ARHGEF10: variants seen among roughly 807,000 people sequenced by gnomAD.
The protein encoded by ARHGEF10 is Rho guanine nucleotide exchange factor (GEF) 10.
Under a neutral mutation model 147.4 loss-of-function variants are expected in ARHGEF10, and 140 were observed. The observed-to-expected ratio is 0.95, with a 90% confidence interval of 0.83 to 1.09. ARHGEF10 has a LOEUF of 1.09. Among genes scored for constraint, ARHGEF10 ranks in the 50% least tolerant of loss-of-function variants. The pLI is 0.00. For missense variants in ARHGEF10, 2,222 were observed against 1,752.7 expected (o/e 1.27, Z -4.78); for synonymous variants, 902 against 695.8 (o/e 1.30, Z -4.67).
At chr8:1,952,933 T>A (rs895252846) in intron 28 of ARHGEF10, 106 bp downstream of exon 28, 5 of 1,488,448 alleles carry the variant, frequency 3.4e-6, no homozygotes, top group Non-Finnish European at 4.6e-6. Context: ...AAACAATTCA[T>A]ATTATCTGTG....
intron 7 of ARHGEF10, among the ~76,000 whole-genome samples, chr8:1,874,035 G>T (rs1807421919): frequency 6.6e-6 from 1 of 152,224 alleles, no homozygotes; most frequent in Non-Finnish European, 1.5e-5. Context: ...ACAATAAGTC[G>T]ATGGCGCTGC....
intron 25 of ARHGEF10, among the ~76,000 whole-genome samples, chr8:1,931,040 C>T (rs1813100324): frequency 6.6e-6 from 1 of 152,236 alleles, no homozygotes. Context: ...TTTGTGTCTT[C>T]GGGGTTGGGC....
At chr8:1,840,371 A>G (rs1190575191) in intron 1 of ARHGEF10, among the ~76,000 whole-genome samples, 18 of 63,544 alleles carry the variant, frequency 2.8e-4, no homozygotes, top group South Asian at 7.1e-4. Flanking sequence ...GCTGTCCGAT[A>G]TGGGGACTGT....
At chr8:1,823,761 G>T (rs908897971), upstream of ARHGEF10, among the ~76,000 whole-genome samples, 4 of 151,866 alleles carry the variant, frequency 2.6e-5, no homozygotes, top group Non-Finnish European at 5.9e-5. Context: ...GCCGGGCGTT[G>T]GGCAGCGGGA....
Position 1,937,605 on chromosome 8 carries a change from T to C in ARHGEF10, c.3222+3663T>C, listed in dbSNP as rs1320807963. Among the ~76,000 whole-genome samples the C allele has an allele frequency of 6.6e-6, 1 of 152,212 alleles. No individual in the cohort carries two copies. Among genetic ancestry groups the C allele is most frequent in the Non-Finnish European group, 1.5e-5 (1 of 68,042 alleles). On this transcript the variant is annotated intron_variant, in intron 26 of 28. Coordinates refer to ENST00000349830, the MANE Select transcript of ARHGEF10 (RefSeq NM_014629.4). The surrounding 1 kb of genome is among the most constrained non-coding windows in gnomAD (Gnocchi z 4.9). The stretch of plus-strand genomic sequence containing the variant: ...TTTTTAGAAAGAAGCAAAAATCTGC[T>C]CTCTGAAAACATGATATTCATCCTG...
intron 16 of ARHGEF10, among the ~76,000 whole-genome samples, chr8:1,904,707 A>G (rs1028203951): frequency 6.6e-6 from 1 of 152,134 alleles, no homozygotes; most frequent in African/African-American, 2.4e-5. Flanking sequence ...CTTGGCAGGG[A>G]CATTCAGGGA....
chr8:1,847,593 C>T (rs1804658809), intron 2 of ARHGEF10, among the ~76,000 whole-genome samples: 1 of 151,976 alleles, frequency 6.6e-6, no homozygotes, highest in Non-Finnish European at 1.5e-5. Context: ...AGCTTTGTTT[C>T]TGGGGGCAGC....
intron 13 of ARHGEF10, among the ~76,000 whole-genome samples, chr8:1,894,955 C>G (rs1419436282): frequency 6.6e-6 from 1 of 152,234 alleles, no homozygotes. Flanking sequence ...CACAGGTTCT[C>G]TTCCTGATCT....
At position 1,926,358 on chromosome 8, in the gene ARHGEF10, T is replaced by A; in HGVS notation, c.2611-19T>A. Reference sequence around the variant, plus strand: ...TAGCTCTGTTTTATATGTGAGCGTTTGATTTTATTCCATTTTAGATTGAAT... The same window carrying A: ...TAGCTCTGTTTTATATGTGAGCGTTAGATTTTATTCCATTTTAGATTGAAT... On this transcript the variant is annotated intron_variant, in intron 22 of 28. Coordinates refer to ENST00000349830, the MANE Select transcript of ARHGEF10 (RefSeq NM_014629.4). 4.4e-6 allele frequency: 7 copies of A among 1,605,432 alleles called. No homozygotes were observed. The highest frequency in any genetic ancestry group is 6.0e-6 in the Non-Finnish European group (7 of 1,172,020).
intron 15 of ARHGEF10, 117 bp from the exon 16 acceptor site, chr8:1,903,164 C>A: frequency 1.5e-6 from 2 of 1,309,038 alleles, no homozygotes; most frequent in Non-Finnish European, 1.1e-6. Flanking sequence ...CTTTATTTTT[C>A]CCCAGGATGG....
At chr8:1,912,974 C>T (rs1280979436) in intron 18 of ARHGEF10, among the ~76,000 whole-genome samples, 1 of 152,174 alleles carries the variant, frequency 6.6e-6, no homozygotes, top group Admixed American at 6.5e-5. Context: ...ACGTTGCGCT[C>T]CATCCTGTCT....
intron 9 of ARHGEF10, among the ~76,000 whole-genome samples, chr8:1,882,034 G>C (rs1180966575): frequency 6.6e-6 from 1 of 152,216 alleles, no homozygotes; most frequent in Non-Finnish European, 1.5e-5. Context: ...TGGAGGCAGG[G>C]AGCCCCAGGC....
At chr8:1,923,409 C>T (rs1411315286) in intron 19 of ARHGEF10, 59 bp from the exon 20 acceptor site, 8 of 1,610,482 alleles carry the variant, frequency 5.0e-6, no homozygotes, top group Middle Eastern at 1.7e-4. Flanking sequence ...TTTTATCTTC[C>T]TTGGGATGGC....
intron 11 of ARHGEF10, among the ~76,000 whole-genome samples, chr8:1,889,445 A>C (rs1228415926): frequency 1.7e-5 from 1 of 58,902 alleles, no homozygotes; most frequent in Non-Finnish European, 3.0e-5. Flanking sequence ...GTGAGGAGAC[A>C]CTGAGTGGGG....
intron 1 of ARHGEF10, among the ~76,000 whole-genome samples, chr8:1,830,227 G>A (rs1237503127): frequency 1.2e-5 from 1 of 83,354 alleles, no homozygotes; most frequent in Non-Finnish European, 2.6e-5. Flanking sequence ...GCAATCCGCA[G>A]GCATGCGTGG....
chr8:1,936,961 C>T (rs1022776101), intron 26 of ARHGEF10, among the ~76,000 whole-genome samples: 6 of 152,002 alleles, frequency 3.9e-5, no homozygotes, highest in African/African-American at 1.5e-4. Context: ...ATGCGAGGTC[C>T]ACACTGGGGC....
intron 17 of ARHGEF10, among the ~76,000 whole-genome samples, chr8:1,907,151 G>T (rs1299346091): frequency 6.6e-6 from 1 of 152,206 alleles, no homozygotes; most frequent in Non-Finnish European, 1.5e-5. Context: ...GAATTGCGAG[G>T]ATGCAGAGTA....
chr8:1,889,465 TG>T (rs749640922), intron 11 of ARHGEF10, among the ~76,000 whole-genome samples: 20 of 48,542 alleles, frequency 4.1e-4, no homozygotes, highest in African/African-American at 2.2e-3. Context: ...GTGAGGGGTC[TG>T]TGAGGAGACA....
chr8:1,846,670 C>T (rs757641120), intron 2 of ARHGEF10, among the ~76,000 whole-genome samples: 8 of 152,114 alleles, frequency 5.3e-5, no homozygotes, highest in Non-Finnish European at 1.0e-4. Context: ...CTCCACTTCC[C>T]GGGTTCAAGG....
Sources: gnomAD v4.1 joint callset for allele counts (sites outside exome capture counted in the v4.1 genomes callset) on GRCh38, gnomAD v4.1.1 for gene constraint, Gnocchi (gnomAD v3.1) non-coding constraint, MANE v1.5 for transcripts, NCBI Gene and HGNC (gene_info 2026-07-23, HGNC 2026-07-21) for gene names.